Variants in KYAT1 observed in about 807,000 individuals in gnomAD.
KYAT1 encodes the protein kynurenine--oxoglutarate transaminase 1.
KYAT1 carries 47 observed loss-of-function variants against 52.4 expected under a neutral mutation model. That is an observed-to-expected ratio of 0.90 (90% CI 0.71 to 1.14). The LOEUF (loss-of-function observed/expected upper bound fraction) is 1.14, where lower values mean the gene tolerates loss of function less well. Ranked by LOEUF, KYAT1 falls within the 50% of genes most tolerant of loss-of-function variation. The pLI, the probability that KYAT1 is intolerant of heterozygous loss-of-function variation, is 0.00. For synonymous variants in KYAT1, 212 were observed against 209.6 expected, an observed-to-expected ratio of 1.01 and a Z score of -0.10; for missense variants, 480 against 557.9, an observed-to-expected ratio of 0.86 and a Z score of 1.41.
chr9:128,845,322 C>A, intron 2 of KYAT1, 31 bp downstream of exon 2: 1 of 1,606,228 alleles, frequency 6.2e-7, no homozygotes, highest in South Asian at 1.1e-5. Flanking sequence ...CGAGGGGACA[C>A]CCACACACCT....
In KYAT1 at chr9:128,833,043, G is replaced by A. The variant is rs1330595641; in HGVS notation, c.*541C>T. On this transcript the variant is annotated 3_prime_UTR_variant, in exon 13 of 13. Transcript: ENST00000302586. ...GTACAAAGTTGTGGGGGTGTCTGAG[G>A]TTCTTCTGGGCATTCTTCACAAGTT... The A allele has an allele frequency of 6.4e-6, 1 of 156,932 alleles. No individual in the cohort carries two copies. The highest frequency in any genetic ancestry group is 2.4e-5 in the African/African-American group (1 of 41,496). 9.7% of individuals were successfully genotyped at this position (156,932 alleles called of 1,614,324 possible). A position where few individuals can be genotyped will look rare whatever the true frequency, so the allele number is the denominator to read the frequency against.
intron 1 of KYAT1, among the ~76,000 whole-genome samples, chr9:128,870,673 G>A (rs564455712): frequency 3.3e-5 from 5 of 151,838 alleles, no homozygotes; most frequent in Non-Finnish European, 5.9e-5. Context: ...GAAAGAAGCC[G>A]GACAAAAAAG....
Position 128,837,674 on chromosome 9 carries a change from C to T in KYAT1, c.567+11G>A. ...TCCGCAGGGGGCCAGGGAAGGAGGT[C>T]CCTCCAGTACCTTGCCCAGGGGGTT... On this transcript the variant is annotated intron_variant, in intron 6 of 12. Coordinates refer to ENST00000302586, the MANE Select transcript of KYAT1 (RefSeq NM_004059.5). The T allele has an allele frequency of 6.2e-7, 1 of 1,613,878 alleles. No homozygotes were observed. Among genetic ancestry groups the T allele is most frequent in the South Asian group, 1.1e-5 (1 of 91,066 alleles).
intron 1 of KYAT1, among the ~76,000 whole-genome samples, chr9:128,878,140 C>CTT (rs761966009): frequency 1.4e-5 from 2 of 145,948 alleles, no homozygotes; most frequent in Non-Finnish European, 1.5e-5. Flanking sequence ...AAGCTATTAA[C>CTT]TTTTTTTTTT....
chr9:128,847,006 G>A, intron 1 of KYAT1: 1 of 716,138 alleles, frequency 1.4e-6, no homozygotes, highest in East Asian at 2.8e-5. Flanking sequence ...ACCTGCCCAG[G>A]GTCAGAAGAG....
chr9:128,842,587 G>A (rs1156652865), intron 3 of KYAT1, 67 bp downstream of exon 3: 32 of 1,514,370 alleles, frequency 2.1e-5, no homozygotes, highest in African/African-American at 2.7e-5. Flanking sequence ...AGCTGTGTGG[G>A]CTTGAAGTCC....
Position 128,881,942 on chromosome 9 carries a change from G to A in KYAT1, c.-52C>T, listed in dbSNP as rs994526070. On this transcript the variant is annotated 5_prime_UTR_variant, in exon 1 of 13. Transcript: ENST00000302586. ...CCCTCGTTCCCAAGTACACCCCGTAGGTTGCAGCAGTCCCTGTCCCTTTAA... is the reference window on the plus strand; with the variant it reads ...CCCTCGTTCCCAAGTACACCCCGTAAGTTGCAGCAGTCCCTGTCCCTTTAA... The A allele has an allele frequency of 1.3e-5, 2 of 152,372 alleles. No homozygotes were observed. The highest frequency in any genetic ancestry group is 2.4e-5 in the African/African-American group (1 of 41,470). 9.4% of individuals were successfully genotyped at this position (152,372 alleles called of 1,614,324 possible).
intron 1 of KYAT1, among the ~76,000 whole-genome samples, chr9:128,859,736 C>T (rs1451678120): frequency 6.6e-6 from 1 of 151,772 alleles, no homozygotes; most frequent in Non-Finnish European, 1.5e-5. Context: ...GCAAGCTCTG[C>T]CTCCCAGGTT....
At chr9:128,863,513 T>C (rs1835746877) in intron 1 of KYAT1, among the ~76,000 whole-genome samples, 1 of 150,202 alleles carries the variant, frequency 6.7e-6, no homozygotes, top group Admixed American at 6.6e-5. Flanking sequence ...ATACAAGAGC[T>C]TGCACCTGAG....
intron 1 of KYAT1, among the ~76,000 whole-genome samples, chr9:128,861,286 G>A (rs1835432169): frequency 1.3e-5 from 2 of 152,138 alleles, no homozygotes; most frequent in Admixed American, 6.5e-5. Context: ...AATCATGGGG[G>A]CAGTTACCCC....
At chr9:128,860,963 G>A (rs547350136) in intron 1 of KYAT1, among the ~76,000 whole-genome samples, 23 of 152,226 alleles carry the variant, frequency 1.5e-4, no homozygotes, top group Middle Eastern at 3.4e-3. Flanking sequence ...ACAGATCACC[G>A]TGTCAGACAT....
intron 7 of KYAT1, 64 bp downstream of exon 7, chr9:128,836,738 T>C (rs1831192833): frequency 1.9e-6 from 3 of 1,576,804 alleles, no homozygotes; most frequent in Non-Finnish European, 2.6e-6. Context: ...GCGCTGACTC[T>C]CAGGTGGGGT....
At chr9:128,850,934 T>C (rs1419469354) in intron 1 of KYAT1, among the ~76,000 whole-genome samples, 3 of 152,218 alleles carry the variant, frequency 2.0e-5, no homozygotes, top group African/African-American at 7.2e-5. Context: ...CATGCAGGCA[T>C]AGTACCTCCC....
chr9:128,866,842 G>A (rs1836456817), intron 1 of KYAT1, among the ~76,000 whole-genome samples: 1 of 151,492 alleles, frequency 6.6e-6, no homozygotes, highest in African/African-American at 2.4e-5. Flanking sequence ...GGAGGCGGAG[G>A]TTGTGGTGAA....
intron 1 of KYAT1, among the ~76,000 whole-genome samples, chr9:128,870,574 T>C (rs767213335): frequency 4.6e-5 from 7 of 151,592 alleles, no homozygotes; most frequent in African/African-American, 1.5e-4. Flanking sequence ...GAAGTGGAGA[T>C]TGCAGTGAGC....
At chr9:128,834,213 G>A (rs1029762810) in intron 11 of KYAT1, among the ~76,000 whole-genome samples, 1 of 152,094 alleles carries the variant, frequency 6.6e-6, no homozygotes, top group Non-Finnish European at 1.5e-5. Context: ...GCCAGATTGC[G>A]CCACTTCACC....
At position 128,836,692 on chromosome 9, in the gene KYAT1, A is replaced by T. The variant is rs1264284224; in HGVS notation, c.688+110T>A. 12 of 1,264,346 alleles carry T rather than the reference A, an allele frequency of 9.5e-6. No individual in the cohort carries two copies. In the Admixed American group the frequency reaches 1.3e-4, roughly 14 times the overall value. The allele number at this position is 1,264,346 out of a possible 1,614,324, so 78.3% of individuals were successfully genotyped here. A position where few individuals can be genotyped will look rare whatever the true frequency, so the allele number is the denominator to read the frequency against. ...GGGAGGCAAAGGTCACAGGATCTGC[A>T]GGGCTCCATAACCCTGGGTTCTAAC... On this transcript the variant is annotated intron_variant, in intron 7 of 12. Coordinates refer to ENST00000302586, the MANE Select transcript of KYAT1 (RefSeq NM_004059.5).
chr9:128,872,544 G>C (rs1330640146), intron 1 of KYAT1, among the ~76,000 whole-genome samples: 1 of 152,036 alleles, frequency 6.6e-6, no homozygotes, highest in Non-Finnish European at 1.5e-5. Flanking sequence ...GAGGTGGGCG[G>C]ATCACCTGAG....
intron 1 of KYAT1, among the ~76,000 whole-genome samples, chr9:128,848,310 A>G (rs1044085513): frequency 7.9e-6 from 1 of 126,472 alleles, no homozygotes; most frequent in African/African-American, 2.8e-5. Context: ...ACAGAGGGAG[A>G]TATGTCTCAA....
Sources: allele counts gnomAD v4.1 joint callset (sites outside exome capture counted in the v4.1 genomes callset), GRCh38; gene constraint gnomAD v4.1.1; transcripts MANE v1.5; gene names NCBI Gene and HGNC (gene_info 2026-07-23, HGNC 2026-07-21).